The following PRSS48 variants were observed in gnomAD, a reference collection of about 807,000 sequenced individuals.
The protein encoded by PRSS48 is epidermis-specific serine protease-like protein.
PRSS48 carries 21 observed loss-of-function variants against 25.6 expected under a neutral mutation model. The ratio of observed to expected loss-of-function variants is 0.82; its 90% CI spans 0.58 to 1.18. The LOEUF (loss-of-function observed/expected upper bound fraction) is 1.18. Among genes scored for constraint, PRSS48 ranks in the 50% most tolerant of loss-of-function variants. The probability of loss-of-function intolerance (pLI) is 0.00; values close to 1 mark genes in which losing one functional copy is unlikely to be tolerated. For missense variants in PRSS48, 373 were observed against 399.3 expected (o/e 0.93, Z 0.56); for synonymous variants, 150 against 149.3 (o/e 1.00, Z -0.04).
chr4:151,279,187 AG>A, intron 1 of PRSS48: 38 of 304,748 alleles, frequency 1.2e-4, no homozygotes, highest in South Asian at 1.8e-4. Context: ...ACAGGTCACC[AG>A]CACACTAGAG....
At chr4:151,282,049 C>A (rs898412114) in intron 2 of PRSS48, 99 bp from the exon 3 acceptor site, 1 of 1,253,130 alleles carries the variant, frequency 8.0e-7, no homozygotes, top group Admixed American at 2.1e-5. Flanking sequence ...TCCCAGTTGG[C>A]TACCCTCCTT....
At chr4:151,291,183 C>T (rs1374202999) in exon 5 of PRSS48, 1 of 1,613,912 alleles carries the variant, frequency 6.2e-7, no homozygotes, top group South Asian at 1.1e-5. Flanking sequence ...GAGTAGTAAG[C>T]TGGGGATTAG....
intron 3 of PRSS48, 37 bp downstream of exon 3, chr4:151,282,450 C>T (rs755374143): frequency 6.2e-7 from 1 of 1,607,080 alleles, no homozygotes; most frequent in South Asian, 1.1e-5. Flanking sequence ...TTTCATATGT[C>T]ATCCTCTTGT....
intron 3 of PRSS48, among the ~76,000 whole-genome samples, 151 bp from the exon 4 acceptor site, chr4:151,282,965 AC>A: frequency 1.3e-5 from 2 of 152,358 alleles, no homozygotes; most frequent in South Asian, 4.2e-4. Context: ...ATTTAAGTGT[AC>A]CAAAAGATCC....
At chr4:151,279,046 C>T in intron 1 of PRSS48, 3 of 382,560 alleles carry the variant, frequency 7.8e-6, no homozygotes, top group East Asian at 7.9e-5. Context: ...ATGTAGTGTG[C>T]TGTTGTCAGT....
At chr4:151,283,081 G>T (rs540027559) in intron 3 of PRSS48, 36 bp from the exon 4 acceptor site, 2 of 1,604,794 alleles carry the variant, frequency 1.2e-6, no homozygotes, top group Admixed American at 1.7e-5. Context: ...ACTTTTCTAG[G>T]TTGCTTTAAT....
intron 4 of PRSS48, among the ~76,000 whole-genome samples, chr4:151,285,348 T>C (rs765911291): frequency 1.3e-5 from 2 of 152,180 alleles, no homozygotes; most frequent in African/African-American, 4.8e-5. Context: ...ATAAACCATA[T>C]GCTAAGCTGT....
At chr4:151,278,844 G>T (rs1354358702) in intron 1 of PRSS48, among the ~76,000 whole-genome samples, 1 of 152,104 alleles carries the variant, frequency 6.6e-6, no homozygotes, top group Non-Finnish European at 1.5e-5. Flanking sequence ...TGTTGCCCAG[G>T]CTGGTTTTGA....
intron 1 of PRSS48, 37 bp downstream of exon 1, chr4:151,277,261 A>G (rs1773719865): frequency 1.4e-6 from 2 of 1,453,228 alleles, no homozygotes; most frequent in Non-Finnish European, 9.2e-7. Context: ...GCAGAGGCAG[A>G]GGATTTTTAC....
intron 1 of PRSS48, 101 bp from the exon 2 acceptor site, chr4:151,279,695 A>G: frequency 1.7e-6 from 2 of 1,151,776 alleles, no homozygotes; most frequent in Non-Finnish European, 2.5e-6. Flanking sequence ...GGGAGGGTTC[A>G]GGTCCTAGGA....
At position 151,282,247 on chromosome 4, in the gene PRSS48, TC is replaced by T. The variant is rs1774314781; in HGVS notation, c.318del (p.Lys107SerfsTer12). The T allele has an allele frequency of 6.2e-7, 1 of 1,613,826 alleles. No individual in the cohort carries two copies. The highest frequency in any genetic ancestry group is 1.3e-5 in the African/African-American group (1 of 74,946). On this transcript the variant is annotated frameshift_variant, in exon 3 of 5. Transcript: ENST00000455694. LOFTEE classifies it high-confidence loss of function. Reference sequence around the variant, plus strand: ...ACTACGTGTCCAAAATCGTCATCCATCCCAAGTACCAAGATACAACGGCAGA... The same window carrying T: ...ACTACGTGTCCAAAATCGTCATCCATCCAAGTACCAAGATACAACGGCAGA...
intron 4 of PRSS48, among the ~76,000 whole-genome samples, chr4:151,287,341 CAAA>C (rs34944826): frequency 1.8e-4 from 15 of 82,346 alleles, no homozygotes; most frequent in Admixed American, 2.8e-4. Flanking sequence ...ACTCTGTCTC[CAAA>C]AAAAAAAAAA....
exon 5 of PRSS48, chr4:151,291,208 C>T (rs1775305862): frequency 6.2e-7 from 1 of 1,613,422 alleles, no homozygotes; most frequent in South Asian, 1.1e-5. Flanking sequence ...TGGTAAATCT[C>T]TTCCTGGAGT....
chr4:151,282,245 C>T, exon 3 of PRSS48: 1 of 1,613,914 alleles, frequency 6.2e-7, no homozygotes, highest in East Asian at 2.2e-5. Context: ...AATCGTCATC[C>T]ATCCCAAGTA....
chr4:151,277,301 C>T, intron 1 of PRSS48, 77 bp downstream of exon 1: 6 of 1,152,992 alleles, frequency 5.2e-6, no homozygotes, highest in Non-Finnish European at 7.0e-6. Context: ...AACAATGTGA[C>T]ACTTCACCCA....
exon 5 of PRSS48, chr4:151,291,318 C>A: frequency 6.2e-7 from 1 of 1,613,982 alleles, no homozygotes; most frequent in Non-Finnish European, 8.5e-7. Flanking sequence ...TTGTCCTACT[C>A]TCTCTGGCTC....
At chr4:151,288,025 A>G (rs1404120536) in intron 4 of PRSS48, among the ~76,000 whole-genome samples, 1 of 148,280 alleles carries the variant, frequency 6.7e-6, no homozygotes, top group African/African-American at 2.5e-5. Flanking sequence ...CAAAAACCAT[A>G]TGATCATGTC....
intron 4 of PRSS48, among the ~76,000 whole-genome samples, chr4:151,286,184 G>GAAAAAAAAAAAAAAA (rs56850648): frequency 3.5e-5 from 3 of 86,628 alleles, no homozygotes; most frequent in Non-Finnish European, 6.1e-5. Context: ...CTGTCTTAAA[G>GAAAAAAAAAAAAAAA]AAAAAAAAAA....
At chr4:151,280,480 T>G (rs964296264) in intron 2 of PRSS48, among the ~76,000 whole-genome samples, 25 of 152,244 alleles carry the variant, frequency 1.6e-4, no homozygotes, top group African/African-American at 6.0e-4. Context: ...GGTACTCAAC[T>G]AAGTCACACC....
Sources: allele counts gnomAD v4.1 joint callset (sites outside exome capture counted in the v4.1 genomes callset), GRCh38; gene constraint gnomAD v4.1.1; transcripts MANE v1.5; gene names NCBI Gene and HGNC (gene_info 2026-07-23, HGNC 2026-07-21).